The following ALOX15B variants were observed in gnomAD, a reference collection of about 807,000 sequenced individuals.
ALOX15B encodes the protein polyunsaturated fatty acid lipoxygenase ALOX15B.
A neutral mutation model predicts 73.8 loss-of-function variants in ALOX15B; 74 were observed. The observed-to-expected ratio is 1.00, with a 90% CI of 0.83 to 1.22. The LOEUF is 1.22. ALOX15B is among the 50% of genes most tolerant of loss of function. The pLI is 0.00. For synonymous variants in ALOX15B, 353 were observed against 357.2 expected (o/e 0.99, Z 0.13); for missense variants, 896 against 859.9 (o/e 1.04, Z -0.52).
At chr17:8,042,667 G>T in intron 4 of ALOX15B, 114 bp from the exon 5 acceptor site, 2 of 1,327,436 alleles carry the variant, frequency 1.5e-6, no homozygotes, top group South Asian at 1.4e-5. Flanking sequence ...TAGGGGTAGT[G>T]ACTACCTTGG....
At position 8,045,594 on chromosome 17, in the gene ALOX15B, G is replaced by T; in HGVS notation, c.1108G>T (p.Ala370Ser). ...CAATGCCGAGTTCTCCTTCCATGAG[G>T]CCCTCACGCACCTGCTGCACTCACA... ...VRNAEFSFHE[A>S]LTHLLHSHLL... Residue 370 changes from alanine to serine, a missense_variant, in exon 8 of 14, where the codon GCC (alanine) becomes TCC (serine). Transcript: ENST00000380183. 6.2e-7 allele frequency: 1 copy of T among 1,614,104 alleles called. No homozygotes were observed. Among genetic ancestry groups the T allele is most frequent in the Non-Finnish European group, 8.5e-7 (1 of 1,180,018 alleles).
At chr17:8,047,516 G>A (rs1455001890) in intron 11 of ALOX15B, 48 bp from the exon 12 acceptor site, 1 of 1,570,928 alleles carries the variant, frequency 6.4e-7, no homozygotes, top group East Asian at 2.3e-5. Context: ...TCCGCAGCAG[G>A]GTCCTCAGGT....
chr17:8,044,279 A>T (rs954414817), intron 5 of ALOX15B, among the ~76,000 whole-genome samples: 1 of 152,020 alleles, frequency 6.6e-6, no homozygotes, highest in Non-Finnish European at 1.5e-5. Context: ...AAAATTAGCC[A>T]GGCATGCTGG....
In ALOX15B at chr17:8,042,852, G is replaced by C. The variant is rs1187848647; in HGVS notation, c.644G>C (p.Arg215Thr). The C allele has an allele frequency of 3.2e-6, 5 of 1,555,636 alleles. No individual in the cohort carries two copies. The highest frequency in any genetic ancestry group is 2.4e-5 in the East Asian group (1 of 41,840). The change falls in exon 5 of 14, where the codon AGG becomes ACG. Residue 215 changes from arginine to threonine, a missense_variant. Physicochemically the swap from Arg to Thr is moderately conservative, Grantham distance 71. Transcript: ENST00000380183. ...GLWRSLNEMK[R>T]IFNFRRTPAA... ...TGGAGGAGTCTGAATGAGATGAAAA[G>C]GATCTTCAACTTCCGGAGGACCCCA...
chr17:8,044,765 T>TGCCC, intron 5 of ALOX15B, 64 bp from the exon 6 acceptor site: 1 of 803,180 alleles, frequency 1.2e-6, no homozygotes. Context: ...CGTCCCCGTG[T>TGCCC]CCCCCACCCC....
At chr17:8,046,397 C>T (rs116181667) in intron 8 of ALOX15B, among the ~76,000 whole-genome samples, 2,132 of 152,264 alleles carry the variant, frequency 0.014, 34 homozygotes, top group African/African-American at 0.043. Context: ...ATGCCAGAGC[C>T]GGAAGACACA....
intron 4 of ALOX15B, 135 bp from the exon 5 acceptor site, chr17:8,042,646 A>G: frequency 3.0e-6 from 4 of 1,336,060 alleles, no homozygotes; most frequent in Middle Eastern, 2.7e-4. Context: ...CCCACAGAGC[A>G]ACAGCTACCT....
intron 3 of ALOX15B, among the ~76,000 whole-genome samples, chr17:8,040,502 C>T (rs1349541912): frequency 1.4e-5 from 2 of 146,830 alleles, no homozygotes; most frequent in Non-Finnish European, 3.0e-5. Flanking sequence ...CCGATCACGC[C>T]ATTGCACTCC....
At position 8,048,681 on chromosome 17, in the gene ALOX15B, GACA is replaced by G; in HGVS notation, c.*119_*121del. 2 of 1,156,264 alleles carry G rather than the reference GACA, an allele frequency of 1.7e-6. No individual in the cohort carries two copies. Among genetic ancestry groups the G allele is most frequent in the Non-Finnish European group, 2.4e-6 (2 of 835,564 alleles). The allele number at this position is 1,156,264 out of a possible 1,614,324, so 71.6% of individuals were successfully genotyped here. On this transcript the variant is annotated 3_prime_UTR_variant, in exon 14 of 14. Coordinates refer to ENST00000380183, the MANE Select transcript of ALOX15B (RefSeq NM_001141.3). ...ACAGGCCCCCATGTGCCTCTCCTGGGACAACCAGACTCTGTAACTCACCCCCAC... is the reference window on the plus strand; with the variant it reads ...ACAGGCCCCCATGTGCCTCTCCTGGGACCAGACTCTGTAACTCACCCCCAC...
At chr17:8,048,236 GC>G (rs1976665739) in intron 13 of ALOX15B, 149 bp from the exon 14 acceptor site, 1 of 906,988 alleles carries the variant, frequency 1.1e-6, no homozygotes, top group African/African-American at 1.7e-5. Flanking sequence ...CATGGATCAG[GC>G]CCCATCGAGG....
chr17:8,040,647 G>GAAAGA (rs199788039), intron 3 of ALOX15B, among the ~76,000 whole-genome samples: 216 of 122,356 alleles, frequency 1.8e-3, no homozygotes, highest in African/African-American at 5.6e-3. Context: ...AAGAAAGAAA[G>GAAAGA]AAAGAAAAGA....
At chr17:8,042,240 C>G in intron 3 of ALOX15B, 129 bp from the exon 4 acceptor site, 1 of 1,192,834 alleles carries the variant, frequency 8.4e-7, no homozygotes, top group East Asian at 2.5e-5. Context: ...GGGCAGCTCC[C>G]AGGAGGGCCC....
Position 8,048,885 on chromosome 17 carries a change from C to T in ALOX15B, c.*320C>T, listed in dbSNP as rs999081038. 7 of 222,284 alleles carry T rather than the reference C, an allele frequency of 3.1e-5. No individual in the cohort carries two copies. Among genetic ancestry groups the T allele is most frequent in the African/African-American group, 9.1e-5 (4 of 43,718 alleles). 13.8% of individuals were successfully genotyped at this position (222,284 alleles called of 1,614,324 possible). On this transcript the variant is annotated 3_prime_UTR_variant, in exon 14 of 14. Coordinates refer to ENST00000380183, the MANE Select transcript of ALOX15B (RefSeq NM_001141.3). ...TTGGTTTTGTTTTGCGTTTTACAGCCGTGGGGGGAAGCACATAATCCCGCC... is the reference window on the plus strand; with the variant it reads ...TTGGTTTTGTTTTGCGTTTTACAGCTGTGGGGGGAAGCACATAATCCCGCC...
chr17:8,040,227 G>T (rs1422591581), intron 3 of ALOX15B, among the ~76,000 whole-genome samples: 4 of 152,150 alleles, frequency 2.6e-5, no homozygotes, highest in Non-Finnish European at 5.9e-5. Context: ...GATGACTCTG[G>T]TGGCCACTGA....
At chr17:8,042,997 C>A in intron 5 of ALOX15B, 113 bp downstream of exon 5, 2 of 781,518 alleles carry the variant, frequency 2.6e-6, no homozygotes, top group South Asian at 1.8e-5. Flanking sequence ...TGATCAGGTC[C>A]TTGCTAGACC....
chr17:8,043,693 A>G (rs910521222), intron 5 of ALOX15B, among the ~76,000 whole-genome samples: 2 of 152,188 alleles, frequency 1.3e-5, no homozygotes, highest in Middle Eastern at 3.4e-3. Flanking sequence ...TGGCAATGCA[A>G]TGGAGAGGAT....
rs764325950 is a variant in ALOX15B, at chr17:8,048,526, C to G, written c.1992C>G (p.Tyr664Ter). 5.6e-6 allele frequency: 9 copies of G among 1,613,958 alleles called. No homozygotes were observed. Among genetic ancestry groups the G allele is most frequent in the Admixed American group, 3.3e-5 (2 of 59,986 alleles). The change falls in exon 14 of 14, where the codon TAC becomes TAG. Residue 664 changes from tyrosine to a stop codon, truncating the protein, a stop_gained. Coordinates refer to ENST00000380183, the MANE Select transcript of ALOX15B (RefSeq NM_001141.3). LOFTEE classifies it high-confidence loss of function. ...AGGGCCTGGTGCTGCCCTACACCTA[C>G]CTAGACCCTCCCCTCATCGAGAACA... is the stretch of plus-strand genomic sequence containing the variant. The part of the protein sequence containing the change: ...RNQGLVLPYT[Y>*]LDPPLIENSV...
chr17:8,041,739 G>A (rs1976468648), intron 3 of ALOX15B, among the ~76,000 whole-genome samples: 1 of 152,174 alleles, frequency 6.6e-6, no homozygotes, highest in Non-Finnish European at 1.5e-5. Flanking sequence ...GCTTGTTTGA[G>A]AATAGAATTT....
In ALOX15B at chr17:8,048,558, C is replaced by A. The variant is rs1367017685; in HGVS notation, c.2024C>A (p.Ser675Tyr). ...CCTCCCCTCATCGAGAACAGCGTCT[C>A]CATCTAAATCCCAGGGGAACACAGG... is the stretch of plus-strand genomic sequence containing the variant. Reference protein sequence around the residue: ...LDPPLIENSVSI With the variant: ...LDPPLIENSVYI The change falls in exon 14 of 14, where the codon TCC becomes TAC. Residue 675 changes from serine to tyrosine, a missense_variant. Ser to Tyr is a moderately radical substitution (Grantham distance 144). Transcript: ENST00000380183. 6.2e-7 allele frequency: 1 copy of A among 1,613,250 alleles called. No homozygotes were observed. Among genetic ancestry groups the A allele is most frequent in the African/African-American group, 1.3e-5 (1 of 75,040 alleles).
Sources: gnomAD v4.1 joint callset for allele counts (sites outside exome capture counted in the v4.1 genomes callset) on GRCh38, gnomAD v4.1.1 for gene constraint, MANE v1.5 for transcripts, NCBI Gene and HGNC (gene_info 2026-07-23, HGNC 2026-07-21) for gene names.